MAP1B: variants seen among roughly 807,000 people sequenced by gnomAD.
MAP1B encodes the protein microtubule-associated protein 1B.
A neutral mutation model predicts 176.1 loss-of-function variants in MAP1B; 12 were observed. The ratio of observed to expected loss-of-function variants is 0.07; its 90% CI spans 0.04 to 0.11. MAP1B has a LOEUF of 0.11. MAP1B is among the 10% of genes least tolerant of loss of function. The probability of loss-of-function intolerance (pLI) is 1.00; values close to 1 mark genes in which losing one functional copy is unlikely to be tolerated. For missense variants in MAP1B, 2,523 were observed against 2,990.5 expected, an observed-to-expected ratio of 0.84 and a Z score of 3.65; for synonymous variants, 1,044 against 1,135.0, an observed-to-expected ratio of 0.92 and a Z score of 1.61.
chr5:72,137,381 GT>G (rs1745857229), intron 2 of MAP1B, among the ~76,000 whole-genome samples: 1 of 152,112 alleles, frequency 6.6e-6, no homozygotes, highest in Admixed American at 6.6e-5. Context: ...CATGACTATT[GT>G]TTTATGTAAG....
chr5:72,130,677 C>A (rs1745714653), intron 2 of MAP1B, among the ~76,000 whole-genome samples: 1 of 152,146 alleles, frequency 6.6e-6, no homozygotes, highest in Non-Finnish European at 1.5e-5. Flanking sequence ...ACTCCATGGA[C>A]AGAGCACTTA....
chr5:72,144,451 G>A (rs1746009750), intron 2 of MAP1B, among the ~76,000 whole-genome samples: 1 of 151,904 alleles, frequency 6.6e-6, no homozygotes, highest in Non-Finnish European at 1.5e-5. Flanking sequence ...GATGGTGCAG[G>A]GATGCGATCA....
At chr5:72,128,518 A>C (rs1286187190) in intron 2 of MAP1B, among the ~76,000 whole-genome samples, 1 of 152,204 alleles carries the variant, frequency 6.6e-6, no homozygotes, top group Admixed American at 6.5e-5. Flanking sequence ...GTTTGCAAGT[A>C]TGCACTAGCT....
chr5:72,135,705 C>T (rs918348271), intron 2 of MAP1B, among the ~76,000 whole-genome samples: 3 of 151,740 alleles, frequency 2.0e-5, no homozygotes, highest in African/African-American at 7.3e-5. Context: ...CAGAGTCATC[C>T]TGTGAAAAAG....
chr5:72,130,702 G>A (rs1267460002), intron 2 of MAP1B, among the ~76,000 whole-genome samples: 2 of 152,100 alleles, frequency 1.3e-5, no homozygotes, highest in Non-Finnish European at 2.9e-5. Flanking sequence ...ATGGAACCGG[G>A]GGCAGAAAAT....
chr5:72,194,404 T>C lies in MAP1B; in HGVS notation c.1049T>C (p.Ile350Thr). 1 of 1,613,978 alleles carries C rather than the reference T, an allele frequency of 6.2e-7. No homozygotes were observed. The highest frequency in any genetic ancestry group is 8.5e-7 in the Non-Finnish European group (1 of 1,180,024). The change falls in exon 5 of 7, where the codon ATC (isoleucine) becomes ACC (threonine). Residue 350 changes from isoleucine (I) to threonine (T), a missense_variant. Around this residue, in one of 4 missense-constraint regions of MAP1B, gnomAD observed 307 missense variants for 438.4 expected, o/e 0.70. Coordinates refer to ENST00000296755, the MANE Select transcript of MAP1B (RefSeq NM_005909.5). This position sits in a 1 kb window ranked among gnomAD's most constrained non-coding sequence, Gnocchi z 7.2. ...AATAGTGACTGGATGAAAAACCTCATCTCCCCTGACTTAGGAGTTGTATTT... is the reference window on the plus strand; with the variant it reads ...AATAGTGACTGGATGAAAAACCTCACCTCCCCTGACTTAGGAGTTGTATTT... ...TTNSDWMKNL[I>T]SPDLGVVFLN... is the part of the protein sequence containing the mutation.
At chr5:72,191,895 C>T (rs776835023) in intron 4 of MAP1B, among the ~76,000 whole-genome samples, 22 of 152,082 alleles carry the variant, frequency 1.4e-4, no homozygotes, top group Non-Finnish European at 2.5e-4. Flanking sequence ...GGTGAAAAGA[C>T]GGAAAGTAGG....
rs140565023 is a variant in MAP1B at position 72,160,130 on chromosome 5, A to G, written c.287-23613A>G. On this transcript the variant is annotated intron_variant, in intron 2 of 6. Transcript: ENST00000296755. ...GTATTTCCATTTTCACTTTGAGCAT[A>G]AATGGGAATCAGAAGGTAGGAGGGA... is the stretch of plus-strand genomic sequence containing the variant. Among the ~76,000 whole-genome samples, 399 of 152,186 alleles carry G rather than the reference A, an allele frequency of 2.6e-3. 7 individuals are homozygous for G. Among genetic ancestry groups the G allele is most frequent in the African/African-American group, 9.4e-3 (390 of 41,526 alleles).
chr5:72,203,659 A>T lies in MAP1B; in HGVS notation c.7109A>T (p.Lys2370Met). The change falls in exon 6 of 7, where the codon AAG (lysine) becomes ATG (methionine). Residue 2370 changes from lysine (K) to methionine (M), a missense_variant. This residue lies in a region of MAP1B where 287 missense variants were observed against 401.5 expected (regional missense o/e 0.71). Transcript: ENST00000296755. ...TACATTCCTAACCACAGCAATAGTA[A>T]GAATGTTGATGTGGAATTTTTCAAG... ...LCYIPNHSNS[K>M]NVDVEFFKRV... The T allele has an allele frequency of 6.2e-7, 1 of 1,614,132 alleles. No individual in the cohort carries two copies. Among genetic ancestry groups the T allele is most frequent in the Non-Finnish European group, 8.5e-7 (1 of 1,179,982 alleles).
chr5:72,157,723 G>A (rs1746251423), intron 2 of MAP1B, among the ~76,000 whole-genome samples: 1 of 152,228 alleles, frequency 6.6e-6, no homozygotes, highest in Non-Finnish European at 1.5e-5. Context: ...GATTCTTGCT[G>A]TAAAAGCAAA....
chr5:72,177,702 G>A (rs1255790741), intron 2 of MAP1B, among the ~76,000 whole-genome samples: 2 of 152,206 alleles, frequency 1.3e-5, no homozygotes, highest in African/African-American at 4.8e-5. Context: ...ACCATAAGCT[G>A]CTATTACAAG....
At position 72,145,307 on chromosome 5, in the gene MAP1B, G is replaced by A. The variant is rs376445072; in HGVS notation, c.286+29508G>A. On this transcript the variant is annotated intron_variant, in intron 2 of 6. Coordinates refer to ENST00000296755, the MANE Select transcript of MAP1B (RefSeq NM_005909.5). ...CAAAAGAAAATACGAAACCTCAGAG[G>A]AACACAAAGAAAGAGAATGATATTA... is the stretch of plus-strand genomic sequence containing the variant. Among the ~76,000 whole-genome samples the A allele has an allele frequency of 1.6e-4, 24 of 151,808 alleles. No individual in the cohort carries two copies. The East Asian group carries it at 4.7e-3, about 29-fold the overall frequency.
chr5:72,124,789 G>C (rs1459669325), intron 2 of MAP1B, among the ~76,000 whole-genome samples: 1 of 152,178 alleles, frequency 6.6e-6, no homozygotes, highest in African/African-American at 2.4e-5. Context: ...TTTCTTGTTG[G>C]CTTCTCACGT....
intron 2 of MAP1B, among the ~76,000 whole-genome samples, chr5:72,176,324 CTT>C (rs1200800337): frequency 6.6e-6 from 1 of 152,202 alleles, no homozygotes; most frequent in Non-Finnish European, 1.5e-5. Context: ...GCTTGAAAAT[CTT>C]TATTTTGGAT....
intron 2 of MAP1B, among the ~76,000 whole-genome samples, chr5:72,128,280 G>A (rs1285155124): frequency 1.3e-5 from 2 of 152,150 alleles, no homozygotes; most frequent in African/African-American, 4.8e-5. Context: ...TGAATCATTA[G>A]TGAGCAAACT....
chr5:72,200,972 C>T (rs936430794), intron 5 of MAP1B, among the ~76,000 whole-genome samples: 14 of 152,048 alleles, frequency 9.2e-5, no homozygotes, highest in East Asian at 1.9e-4. Flanking sequence ...AGTGAGTGTC[C>T]GGTGAAAATT....
At chr5:72,143,831 T>C (rs1442140181) in intron 2 of MAP1B, among the ~76,000 whole-genome samples, 1 of 152,158 alleles carries the variant, frequency 6.6e-6, no homozygotes, top group African/African-American at 2.4e-5. Flanking sequence ...GAACCACAGG[T>C]GTGCACCATC....
In MAP1B at chr5:72,198,632, GTCCTTATATGCC is replaced by G. The variant is rs1747244406; in HGVS notation, c.5280_5291del (p.Tyr1762_Leu1765del). ...CCGATGTTGCTCCTCCCAGAGATAT[GTCCTTATATGCC>G]TCACTCACCTCTGAAAAAGTGCAAA... On this transcript the variant is annotated inframe_deletion, in exon 5 of 7. Coordinates refer to ENST00000296755, the MANE Select transcript of MAP1B (RefSeq NM_005909.5). 1 of 1,614,114 alleles carries G rather than the reference GTCCTTATATGCC, an allele frequency of 6.2e-7. No individual in the cohort carries two copies. The highest frequency in any genetic ancestry group is 8.5e-7 in the Non-Finnish European group (1 of 1,180,030).
At position 72,195,833 on chromosome 5, in the gene MAP1B, G is replaced by A. The variant is rs1319197299; in HGVS notation, c.2478G>A (p.Glu826=). 6.2e-7 allele frequency: 1 copy of A among 1,614,146 alleles called. No individual in the cohort carries two copies. Among genetic ancestry groups the A allele is most frequent in the Non-Finnish European group, 8.5e-7 (1 of 1,180,062 alleles). Reference sequence around the variant, plus strand: ...GCCCTGCCAAAGAACTCGAAGCTGAGAGGTCCCTTATGTCATCTCCTGAGG... The same window carrying A: ...GCCCTGCCAAAGAACTCGAAGCTGAAAGGTCCCTTATGTCATCTCCTGAGG... The part of the protein sequence containing the change: ...AIGPAKELEA[E]RSLMSSPEDL... The change falls in exon 5 of 7, where the codon GAG becomes GAA. Residue 826 remains glutamate, a synonymous_variant. Coordinates refer to ENST00000296755, the MANE Select transcript of MAP1B (RefSeq NM_005909.5).
Sources: allele counts gnomAD v4.1 joint callset (sites outside exome capture counted in the v4.1 genomes callset), GRCh38; gene constraint gnomAD v4.1.1; regional missense constraint gnomAD v4.1.1; non-coding constraint Gnocchi (gnomAD v3.1); transcripts MANE v1.5; gene names NCBI Gene and HGNC (gene_info 2026-07-23, HGNC 2026-07-21).